Variants in TTLL3 observed in about 807,000 individuals in gnomAD.
TTLL3 encodes the protein tubulin tyrosine ligase like 3.
TTLL3 carries 63 observed loss-of-function variants against 75.2 expected under a neutral mutation model. The ratio of observed to expected loss-of-function variants is 0.84; its 90% confidence interval spans 0.68 to 1.03. The LOEUF (loss-of-function observed/expected upper bound fraction) is 1.03, where lower values mean the gene tolerates loss of function less well. Among genes scored for constraint, TTLL3 ranks in the 50% least tolerant of loss-of-function variants. TTLL3 has a pLI of 0.00. For synonymous variants in TTLL3, 393 were observed against 418.5 expected, an observed-to-expected ratio of 0.94 and a Z score of 0.74; for missense variants, 997 against 1,069.9, an observed-to-expected ratio of 0.93 and a Z score of 0.95.
rs9823464 is a variant in TTLL3 at position 9,816,790 on chromosome 3, C to T, written c.444+588C>T. ...GGGATTTCGGGCACGAGCCATCATG[C>T]GCAGCCTTACCTGGTGTTCTTAGCA... is the stretch of plus-strand genomic sequence containing the variant. On this transcript the variant is annotated intron_variant, in intron 5 of 13. Transcript: ENST00000685419. Among the ~76,000 whole-genome samples, 298 of 152,170 alleles carry T rather than the reference C, an allele frequency of 2.0e-3. 2 individuals carry two copies. Among genetic ancestry groups the T allele is most frequent in the African/African-American group, 6.7e-3 (278 of 41,530 alleles).
intron 13 of TTLL3, 91 bp downstream of exon 13, chr3:9,834,998 G>A: frequency 6.2e-7 from 1 of 1,603,506 alleles, no homozygotes; most frequent in Non-Finnish European, 8.5e-7. Context: ...CTCCCAGGCT[G>A]GCTGGCACCC....
intron 4 of TTLL3, among the ~76,000 whole-genome samples, chr3:9,814,323 G>A (rs2079619450): frequency 6.7e-6 from 1 of 149,314 alleles, no homozygotes; most frequent in Non-Finnish European, 1.5e-5. Flanking sequence ...GTGACAGAGC[G>A]AGACTCCGTC....
chr3:9,830,464 G>A (rs2081414843), intron 11 of TTLL3, among the ~76,000 whole-genome samples: 2 of 152,120 alleles, frequency 1.3e-5, no homozygotes, highest in South Asian at 4.1e-4. Flanking sequence ...ATTAGCCTCC[G>A]GTTTCTGTCA....
intron 8 of TTLL3, chr3:9,825,337 CAA>C (rs34409771): frequency 8.9e-3 from 1,068 of 120,520 alleles, no homozygotes; most frequent in South Asian, 0.039. Context: ...GACCCTGTCT[CAA>C]AAAAAAAAAA....
chr3:9,828,926 G>T (rs1208732225), intron 10 of TTLL3, 34 bp from the exon 11 acceptor site: 2 of 1,608,922 alleles, frequency 1.2e-6, no homozygotes, highest in African/African-American at 2.7e-5. Context: ...GAGACACAAG[G>T]GCCTGGACCT....
chr3:9,810,660 A>C lies in TTLL3; in HGVS notation c.-2A>C, dbSNP rs368959064. On this transcript the variant is annotated 5_prime_UTR_variant, in exon 2 of 14. Transcript: ENST00000685419. This position sits in a 1 kb window ranked among gnomAD's most constrained non-coding sequence, Gnocchi z 4.4. ...TGGCGAGGATCCTCCAAGGCGTCTC[A>C]CATGAACCGGCTCAGAAACGCCAAA... 3.2e-5 allele frequency: 50 copies of C among 1,583,730 alleles called. No individual in the cohort carries two copies. Among genetic ancestry groups the C allele is most frequent in the Non-Finnish European group, 4.0e-5 (47 of 1,165,280 alleles).
At chr3:9,834,432 G>A (rs1171772827) in intron 12 of TTLL3, 1 of 691,136 alleles carries the variant, frequency 1.4e-6, no homozygotes. Context: ...TCCAGCCGAG[G>A]TATCAGGAAG....
At chr3:9,817,960 C>T (rs1252265537) in intron 6 of TTLL3, 2 of 666,674 alleles carry the variant, frequency 3.0e-6, no homozygotes, top group Non-Finnish European at 4.9e-6. Flanking sequence ...ACTCTGACCT[C>T]CAGAAAAGCT....
At chr3:9,814,324 A>C (rs994152177) in intron 4 of TTLL3, among the ~76,000 whole-genome samples, 2 of 151,478 alleles carry the variant, frequency 1.3e-5, no homozygotes, top group Admixed American at 1.3e-4. Flanking sequence ...TGACAGAGCG[A>C]GACTCCGTCT....
At chr3:9,826,504 G>A (rs181584464) in intron 9 of TTLL3, among the ~76,000 whole-genome samples, 3 of 152,032 alleles carry the variant, frequency 2.0e-5, no homozygotes, top group South Asian at 2.1e-4. Flanking sequence ...AGGCCGAGGC[G>A]GGTGGATCAC....
rs1379613955 is a variant in TTLL3, at chr3:9,818,867, T to C, written c.605T>C (p.Val202Ala). 3.1e-6 allele frequency: 5 copies of C among 1,614,044 alleles called. No individual in the cohort carries two copies. The highest frequency in any genetic ancestry group is 4.2e-6 in the Non-Finnish European group (5 of 1,180,026). ...TAARNVLKLV[V>A]KSEWKSYPIQ... ...GCCCGCAACGTTCTCAAGCTGGTGG[T>C]GAAGTCTGAGTGGAAGTCATACCCT... Residue 202 changes from valine to alanine, a missense_variant, in exon 7 of 14, where the codon GTG becomes GCG. Coordinates refer to ENST00000685419, the MANE Select transcript of TTLL3 (RefSeq NM_001387446.1).
chr3:9,825,728 A>AT (rs1443151913), intron 8 of TTLL3, 72 bp from the exon 9 acceptor site: 1 of 1,612,846 alleles, frequency 6.2e-7, no homozygotes, highest in Non-Finnish European at 8.5e-7. Context: ...ATGGTGGAAT[A>AT]TATCTCCCCC....
intron 3 of TTLL3, 50 bp from the exon 4 acceptor site, chr3:9,813,198 C>T (rs1302566307): frequency 6.2e-7 from 1 of 1,613,816 alleles, no homozygotes; most frequent in Non-Finnish European, 8.5e-7. Context: ...GCCTTATGGG[C>T]TATGGGTCAG....
chr3:9,813,359 G>A lies in TTLL3; in HGVS notation c.315+14G>A, dbSNP rs1575353734. ...CATGCTCTGATGGTGAGGGCCCTGG[G>A]GGCCAAGATGATACAGGGACTGCCT... is the stretch of plus-strand genomic sequence containing the variant. On this transcript the variant is annotated intron_variant, in intron 4 of 13. Coordinates refer to ENST00000685419, the MANE Select transcript of TTLL3 (RefSeq NM_001387446.1). The A allele has an allele frequency of 6.2e-7, 1 of 1,613,708 alleles. No homozygotes were observed. The highest frequency in any genetic ancestry group is 2.2e-5 in the East Asian group (1 of 44,890).
chr3:9,826,361 G>A (rs923151833), intron 9 of TTLL3, among the ~76,000 whole-genome samples: 11 of 152,172 alleles, frequency 7.2e-5, no homozygotes, highest in African/African-American at 2.7e-4. Context: ...ATGCCCTTTC[G>A]TACTGCCTAA....
rs9847036 is a variant in TTLL3 at position 9,816,847 on chromosome 3, T to C, written c.444+645T>C. Among the ~76,000 whole-genome samples the C allele has an allele frequency of 2.0e-3, 300 of 152,244 alleles. 2 individuals are homozygous for C. The highest frequency in any genetic ancestry group is 6.8e-3 in the African/African-American group (281 of 41,554). On this transcript the variant is annotated intron_variant, in intron 5 of 13. Transcript: ENST00000685419. ...TTCACCTCTCTGAGCCTCAATTTCCTCATCTTTCAATGAGAATACCAGTAA... is the reference window on the plus strand; with the variant it reads ...TTCACCTCTCTGAGCCTCAATTTCCCCATCTTTCAATGAGAATACCAGTAA...
intron 7 of TTLL3, chr3:9,819,486 C>G (rs2080216189): frequency 1.0e-6 from 1 of 991,290 alleles, no homozygotes; most frequent in South Asian, 4.6e-5. Context: ...CATGGTCCGT[C>G]CCTGCCTGTG....
chr3:9,813,488 GGCTGGATAGA>G (rs2125679578), intron 4 of TTLL3, 143 bp downstream of exon 4: 1 of 978,698 alleles, frequency 1.0e-6, no homozygotes, highest in East Asian at 2.6e-5. Context: ...CTTCTTTAAA[GGCTGGATAGA>G]GCTGGACATG....
upstream of TTLL3, chr3:9,810,156 C>A: frequency 1.4e-6 from 2 of 1,473,416 alleles, no homozygotes; most frequent in Non-Finnish European, 1.8e-6. The surrounding 1 kb of genome is among the most constrained non-coding windows in gnomAD (Gnocchi z 4.4). Context: ...CCAGTTTCCC[C>A]TCGGCGCGCC....
Sources: allele counts gnomAD v4.1 joint callset (sites outside exome capture counted in the v4.1 genomes callset), GRCh38; gene constraint gnomAD v4.1.1; non-coding constraint Gnocchi (gnomAD v3.1); transcripts MANE v1.5; gene names NCBI Gene and HGNC (gene_info 2026-07-23, HGNC 2026-07-21).